Variants in GABRR2 observed in about 807,000 individuals in gnomAD.
GABRR2 encodes the protein gamma-aminobutyric acid type A receptor subunit rho2, also known as gamma-aminobutyric acid receptor subunit rho-2.
A neutral mutation model predicts 47.0 loss-of-function variants in GABRR2; 36 were observed. The ratio of observed to expected loss-of-function variants is 0.77; its 90% confidence interval spans 0.59 to 1.01. The LOEUF (loss-of-function observed/expected upper bound fraction) is 1.01, where lower values mean the gene tolerates loss of function less well. Ranked by LOEUF, GABRR2 falls within the 50% of genes least tolerant of loss-of-function variation. GABRR2 has a pLI of 0.00. For synonymous variants in GABRR2, 204 were observed against 227.5 expected (o/e 0.90, Z 0.93); for missense variants, 587 against 594.6 (o/e 0.99, Z 0.13).
At chr6:89,306,322 A>T (rs1767558597) in intron 1 of GABRR2, among the ~76,000 whole-genome samples, 1 of 152,136 alleles carries the variant, frequency 6.6e-6, no homozygotes, top group African/African-American at 2.4e-5. Flanking sequence ...GGTTGCAGTG[A>T]GCATTCTAGC....
At chr6:89,301,608 A>G (rs1018700588) in intron 1 of GABRR2, among the ~76,000 whole-genome samples, 1 of 152,074 alleles carries the variant, frequency 6.6e-6, no homozygotes, top group Non-Finnish European at 1.5e-5. Context: ...ATCAGGAATG[A>G]AATCCCATTC....
Position 89,295,328 on chromosome 6 carries a change from C to T in GABRR2, c.220+4431G>A, listed in dbSNP as rs149191846. 2.2e-3 allele frequency among the ~76,000 whole-genome samples: 334 copies of T among 152,284 alleles called. 1 individual carries two copies. Among genetic ancestry groups the T allele is most frequent in the African/African-American group, 7.6e-3 (315 of 41,552 alleles). On this transcript the variant is annotated intron_variant, in intron 2 of 8. Transcript: ENST00000402938. ...TTGTTTCCTGACTTTTTAATGATGGCCATTCTAACTGGTGTGAGATGGTCT... is the reference window on the plus strand; with the variant it reads ...TTGTTTCCTGACTTTTTAATGATGGTCATTCTAACTGGTGTGAGATGGTCT...
chr6:89,299,628 G>A (rs1006545413), intron 2 of GABRR2, 131 bp downstream of exon 2: 2 of 631,752 alleles, frequency 3.2e-6, no homozygotes, highest in East Asian at 2.8e-5. Context: ...CTCAGGAAAT[G>A]GAGTCAGATT....
At chr6:89,265,844 A>C in intron 6 of GABRR2, 79 bp from the exon 7 acceptor site, 1 of 1,449,436 alleles carries the variant, frequency 6.9e-7, no homozygotes, top group Non-Finnish European at 9.5e-7. Context: ...CCCGTCTTTC[A>C]CTGACTTGGC....
chr6:89,269,034 A>G lies in GABRR2; in HGVS notation c.489T>C (p.Asp163=). 1 of 1,614,006 alleles carries G rather than the reference A, an allele frequency of 6.2e-7. No individual in the cohort carries two copies. Among genetic ancestry groups the G allele is most frequent in the Admixed American group, 1.7e-5 (1 of 60,036 alleles). The change falls in exon 4 of 9, where the codon GAT becomes GAC. Residue 163 remains aspartate, a synonymous_variant. Coordinates refer to ENST00000402938, the MANE Select transcript of GABRR2 (RefSeq NM_002043.5). ...ACCTCATGCTGTACAGCACGTGTCC[A>G]TCTGGGAACACCCTCAGCATGATGT... ...TDNIMLRVFP[D]GHVLYSMRIT...
At chr6:89,284,225 T>C (rs1324113019) in intron 2 of GABRR2, among the ~76,000 whole-genome samples, 1 of 152,174 alleles carries the variant, frequency 6.6e-6, no homozygotes, top group Non-Finnish European at 1.5e-5. Context: ...GAAAGTTCTG[T>C]ATCTCGATCT....
intron 8 of GABRR2, among the ~76,000 whole-genome samples, chr6:89,258,738 A>T (rs1163354303): frequency 6.7e-6 from 1 of 150,318 alleles, no homozygotes; most frequent in South Asian, 2.1e-4. Flanking sequence ...TAAAAAAAAA[A>T]GAAAGAAAGA....
intron 1 of GABRR2, 47 bp downstream of exon 1, chr6:89,315,006 T>C (rs779584644): frequency 1.3e-6 from 2 of 1,548,204 alleles, no homozygotes; most frequent in Non-Finnish European, 1.8e-6. Flanking sequence ...CCACTGCTGC[T>C]GCTACTATGC....
At chr6:89,289,339 A>G (rs573503631) in intron 2 of GABRR2, among the ~76,000 whole-genome samples, 1 of 152,206 alleles carries the variant, frequency 6.6e-6, no homozygotes, top group Non-Finnish European at 1.5e-5. Context: ...CAGAGGGAGC[A>G]GTGCTGAGGA....
intron 2 of GABRR2, among the ~76,000 whole-genome samples, chr6:89,280,253 T>TATATATATATATATAC (rs1242640059): frequency 4.0e-5 from 5 of 124,828 alleles, no homozygotes; most frequent in African/African-American, 1.3e-4. Context: ...TATATATATA[T>TATATATATATATATAC]ACATACATAT....
At chr6:89,302,815 TG>T in intron 1 of GABRR2, 1 of 1,424,074 alleles carries the variant, frequency 7.0e-7, no homozygotes, top group Non-Finnish European at 9.7e-7. Flanking sequence ...AACATGAAGG[TG>T]GACGTGTGTG....
In GABRR2 at chr6:89,258,789, A is replaced by T. The variant is rs58786364; in HGVS notation, c.1087-808T>A. 9.2e-4 allele frequency among the ~76,000 whole-genome samples: 139 copies of T among 150,534 alleles called. No homozygotes were observed. In the East Asian group the frequency reaches 0.022, roughly 23 times the overall value. On this transcript the variant is annotated intron_variant, in intron 8 of 8. Transcript: ENST00000402938. Reference sequence around the variant, plus strand: ...AGAGAGTGTCCTTATCTTAAAAATTACATTTGAGAGTCAAGGGTCATGGTA... The same window carrying T: ...AGAGAGTGTCCTTATCTTAAAAATTTCATTTGAGAGTCAAGGGTCATGGTA...
At chr6:89,265,524 A>AACTCTAAC in intron 7 of GABRR2, 89 bp downstream of exon 7, 1 of 1,408,300 alleles carries the variant, frequency 7.1e-7, no homozygotes, top group Non-Finnish European at 9.6e-7. Context: ...ATCAGTTAAG[A>AACTCTAAC]AGTCTAAGTA....
Position 89,254,869 on chromosome 6 carries a change from G to GTATTTA in GABRR2, c.*2800_*2801insTAAATA. ...AAATACAATGGTGTCATTGTATCATGGCCCTGCATGATAAAACACTGTTTA... is the reference window on the plus strand; with the variant it reads ...AAATACAATGGTGTCATTGTATCATGTATTTAGCCCTGCATGATAAAACACTGTTTA... On this transcript the variant is annotated 3_prime_UTR_variant, in exon 9 of 9. Coordinates refer to ENST00000402938, the MANE Select transcript of GABRR2 (RefSeq NM_002043.5). 6.6e-6 allele frequency among the ~76,000 whole-genome samples: 1 copy of GTATTTA among 152,028 alleles called. No individual in the cohort carries two copies. Among genetic ancestry groups the GTATTTA allele is most frequent in the Middle Eastern group, 3.2e-3 (1 of 316 alleles).
At chr6:89,297,344 C>T (rs957229048) in intron 2 of GABRR2, among the ~76,000 whole-genome samples, 2 of 152,198 alleles carry the variant, frequency 1.3e-5, no homozygotes, top group African/African-American at 2.4e-5. Flanking sequence ...TGCGCCAAGA[C>T]ATGCAAGTAG....
At chr6:89,304,588 CAAAAAAAAGAAA>C (rs1424875843) in intron 1 of GABRR2, among the ~76,000 whole-genome samples, 1 of 126,726 alleles carries the variant, frequency 7.9e-6, no homozygotes, top group Non-Finnish European at 1.7e-5. Context: ...GACTCCATCT[CAAAAAAAAGAAA>C]AAAAAAAAAA....
intron 2 of GABRR2, among the ~76,000 whole-genome samples, chr6:89,290,820 A>G (rs778231469): frequency 6.6e-6 from 1 of 152,176 alleles, no homozygotes; most frequent in Non-Finnish European, 1.5e-5. Context: ...TTTGAAGGCC[A>G]CAGCTCCCAT....
At position 89,312,373 on chromosome 6, in the gene GABRR2, G is replaced by A. The variant is rs78200937; in HGVS notation, c.113+2680C>T. On this transcript the variant is annotated intron_variant, in intron 1 of 8. Coordinates refer to ENST00000402938, the MANE Select transcript of GABRR2 (RefSeq NM_002043.5). Reference sequence around the variant, plus strand: ...TGGTCTTTGTAAAAGCAGCTGCTGGGCGGAATCATTGTTCTGTGTGCATGC... The same window carrying A: ...TGGTCTTTGTAAAAGCAGCTGCTGGACGGAATCATTGTTCTGTGTGCATGC... 9.2e-3 allele frequency among the ~76,000 whole-genome samples: 1,398 copies of A among 152,324 alleles called. 22 individuals carry two copies. The highest frequency in any genetic ancestry group is 0.029 in the African/African-American group (1,206 of 41,580).
intron 2 of GABRR2, among the ~76,000 whole-genome samples, chr6:89,285,908 A>ACTCC (rs1774327947): frequency 1.5e-5 from 2 of 137,892 alleles, no homozygotes; most frequent in Non-Finnish European, 1.6e-5. Context: ...CCTGCTTGAA[A>ACTCC]CTCCCTCCCT....
Sources: allele counts gnomAD v4.1 joint callset (sites outside exome capture counted in the v4.1 genomes callset), GRCh38; gene constraint gnomAD v4.1.1; transcripts MANE v1.5; gene names NCBI Gene and HGNC (gene_info 2026-07-23, HGNC 2026-07-21).